SYNE2: variants seen among roughly 807,000 people sequenced by gnomAD.
The protein encoded by SYNE2 is nesprin-2.
Under a neutral mutation model 856.3 loss-of-function variants are expected in SYNE2, and 431 were observed. That is an observed-to-expected ratio of 0.50 (90% confidence interval 0.47 to 0.55). The LOEUF (loss-of-function observed/expected upper bound fraction) is 0.55. Among genes scored for constraint, SYNE2 ranks in the 20% least tolerant of loss-of-function variants. The probability of loss-of-function intolerance (pLI) is 0.00; values close to 1 mark genes in which losing one functional copy is unlikely to be tolerated. For synonymous variants in SYNE2, 2,923 were observed against 2,872.3 expected, an observed-to-expected ratio of 1.02 and a Z score of -0.56; for missense variants, 8,129 against 8,023.2, an observed-to-expected ratio of 1.01 and a Z score of -0.50.
At chr14:64,099,367 G>T in intron 63 of SYNE2, 1 of 168,842 alleles carries the variant, frequency 5.9e-6, no homozygotes. Context: ...GAAAATTGAA[G>T]CAACTTACAA....
At chr14:63,827,947 C>A (rs904132665) in intron 1 of SYNE2, among the ~76,000 whole-genome samples, 1 of 150,220 alleles carries the variant, frequency 6.7e-6, no homozygotes, top group African/African-American at 2.5e-5. Flanking sequence ...AATCTCAGCA[C>A]TTTGGGAGGT....
In SYNE2 at chr14:64,016,608, A is replaced by G. The variant is rs2096893936; in HGVS notation, c.4864A>G (p.Ile1622Val). The G allele has an allele frequency of 6.3e-7, 1 of 1,597,076 alleles. No homozygotes were observed. The highest frequency in any genetic ancestry group is 8.6e-7 in the Non-Finnish European group (1 of 1,168,784). Residue 1622 changes from isoleucine to valine, a missense_variant, in exon 33 of 116, where the codon ATT becomes GTT. Ile to Val is a conservative substitution (Grantham distance 29). Coordinates refer to ENST00000555002, the MANE Select transcript of SYNE2 (RefSeq NM_182914.3). ...GCCCCCTTTTGAAAAAGAGGCTAAT[A>G]TTATTGTGGATAGATGGCTTGATGT... ...EEPPFEKEAN[I>V]IVDRWLDINE...
chr14:63,869,536 C>T (rs888459476), intron 1 of SYNE2, among the ~76,000 whole-genome samples: 9 of 148,198 alleles, frequency 6.1e-5, no homozygotes, highest in Admixed American at 4.8e-4. Flanking sequence ...GCAGGAGAAT[C>T]GCTTGAAACG....
At chr14:63,961,848 A>T (rs574578235) in intron 9 of SYNE2, among the ~76,000 whole-genome samples, 2 of 151,118 alleles carry the variant, frequency 1.3e-5, no homozygotes, top group Non-Finnish European at 2.9e-5. Context: ...GGCAACCAGC[A>T]TTCTAATTTC....
At chr14:63,976,805 A>C (rs1400650613) in intron 12 of SYNE2, 78 bp downstream of exon 12, 2 of 1,480,360 alleles carry the variant, frequency 1.4e-6, no homozygotes, top group Non-Finnish European at 1.9e-6. Flanking sequence ...TTTGTCCTAA[A>C]AAGAAGAGAA....
At chr14:63,885,669 A>G (rs2140806508) in intron 1 of SYNE2, among the ~76,000 whole-genome samples, 1 of 152,254 alleles carries the variant, frequency 6.6e-6, no homozygotes, top group East Asian at 1.9e-4. Context: ...TGGCGTGATC[A>G]TAGCTCACTG....
At chr14:63,954,273 A>G (rs1178694566) in intron 7 of SYNE2, among the ~76,000 whole-genome samples, 6 of 152,172 alleles carry the variant, frequency 3.9e-5, no homozygotes, top group Non-Finnish European at 8.8e-5. Flanking sequence ...CATTTCCTCT[A>G]GTTAGGAACC....
rs746540554 is a variant in SYNE2, at chr14:64,220,622, G to A, written c.20046G>A (p.Ser6682=). ...VDSWRGGLRQ[S]LMQCQDFHQL... The stretch of plus-strand genomic sequence containing the variant: ...GCTGGAGAGGGGGCTTACGACAGTC[G>A]CTCATGCAGTGCCAGGTACGCTGAC... Residue 6682 remains serine, a synonymous_variant, in exon 111 of 116, where the codon TCG becomes TCA. Transcript: ENST00000555002. 8 of 1,613,792 alleles carry A rather than the reference G, an allele frequency of 5.0e-6. No individual in the cohort carries two copies. Among genetic ancestry groups the A allele is most frequent in the African/African-American group, 2.7e-5 (2 of 74,922 alleles).
Position 64,223,326 on chromosome 14 carries a change from CAA to C in SYNE2, c.20330_20331del (p.Lys6777ThrfsTer144). ...EKVHVIEKKL[K>X]QLREQVSQDL... ...AGGTGCATGTTATTGAGAAGAAACT[CAA>C]ACAGTTACGGGAGCAAGTGTCCCAA... On this transcript the variant is annotated frameshift_variant, in exon 113 of 116. Transcript: ENST00000555002. LOFTEE classifies it high-confidence loss of function. The C allele has an allele frequency of 6.2e-7, 1 of 1,614,140 alleles. No individual in the cohort carries two copies. Among genetic ancestry groups the C allele is most frequent in the Non-Finnish European group, 8.5e-7 (1 of 1,180,016 alleles).
At chr14:64,034,516 C>T in intron 45 of SYNE2, 1 of 515,352 alleles carries the variant, frequency 1.9e-6, no homozygotes, top group Non-Finnish European at 3.6e-6. Flanking sequence ...AATGTGATGG[C>T]AGTTTCCAAA....
At position 63,997,056 on chromosome 14, in the gene SYNE2, G is replaced by A. The variant is rs766606292; in HGVS notation, c.3050G>A (p.Arg1017Lys). 1.2e-6 allele frequency: 2 copies of A among 1,614,058 alleles called. No individual in the cohort carries two copies. Among genetic ancestry groups the A allele is most frequent in the Non-Finnish European group, 1.7e-6 (2 of 1,179,976 alleles). ...PSQKSQQEVK[R>K]LLKDYEQKIE... The stretch of plus-strand genomic sequence containing the variant: ...CAGAAGAGTCAACAAGAAGTGAAGA[G>A]ACTACTCAAAGATTATGAACAAAAG... Residue 1017 changes from arginine to lysine, a missense_variant, in exon 24 of 116, where the codon AGA (arginine) becomes AAA (lysine). Arg to Lys is a conservative substitution (Grantham distance 26). Coordinates refer to ENST00000555002, the MANE Select transcript of SYNE2 (RefSeq NM_182914.3).
chr14:63,891,076 A>C (rs2095119190), intron 1 of SYNE2, among the ~76,000 whole-genome samples: 1 of 152,162 alleles, frequency 6.6e-6, no homozygotes, highest in East Asian at 1.9e-4. Context: ...TATTTATCTC[A>C]CGCCCTCATG....
intron 1 of SYNE2, among the ~76,000 whole-genome samples, chr14:63,828,483 A>G (rs1889547015): frequency 6.6e-6 from 1 of 151,766 alleles, no homozygotes; most frequent in South Asian, 2.1e-4. Flanking sequence ...TACTAAAAAT[A>G]TAAAAATTAG....
chr14:64,014,964 T>C lies in SYNE2; in HGVS notation c.4729-1509T>C, dbSNP rs1216897364. Among the ~76,000 whole-genome samples the C allele has an allele frequency of 7.2e-3, 357 of 49,660 alleles. 3 individuals are homozygous for C. The highest frequency in any genetic ancestry group is 0.023 in the African/African-American group (343 of 14,940). The allele number at this position is 49,660 out of a possible 152,430, so 32.6% of individuals were successfully genotyped here. On this transcript the variant is annotated intron_variant, in intron 32 of 115. Transcript: ENST00000555002. ...ATATATATATATATATATATATATATATATATATATACACACACACACACA... is the reference window on the plus strand; with the variant it reads ...ATATATATATATATATATATATATACATATATATATACACACACACACACA...
At chr14:64,016,694 G>C in intron 33 of SYNE2, 63 bp downstream of exon 33, 1 of 1,116,944 alleles carries the variant, frequency 9.0e-7, no homozygotes, top group Non-Finnish European at 1.3e-6. Context: ...TGTATCTTTA[G>C]TATTTTTATT....
chr14:63,980,587 C>A, intron 14 of SYNE2, 67 bp from the exon 15 acceptor site: 1 of 1,074,928 alleles, frequency 9.3e-7, no homozygotes, highest in Non-Finnish European at 1.4e-6. Context: ...CTGTATCTCA[C>A]TATCTGGATT....
intron 112 of SYNE2, 127 bp from the exon 113 acceptor site, chr14:64,223,062 G>T: frequency 1.1e-6 from 1 of 890,566 alleles, no homozygotes; most frequent in Non-Finnish European, 1.8e-6. Flanking sequence ...GAGAAATAGA[G>T]GATTCTCGAG....
intron 2 of SYNE2, among the ~76,000 whole-genome samples, chr14:63,931,848 C>T (rs2095760476): frequency 6.6e-6 from 1 of 152,128 alleles, no homozygotes; most frequent in Non-Finnish European, 1.5e-5. Context: ...TTGAACTCCT[C>T]CTGGACTCCA....
intron 58 of SYNE2, 45 bp downstream of exon 58, chr14:64,087,901 G>T (rs747924466): frequency 2.5e-6 from 4 of 1,599,336 alleles, no homozygotes; most frequent in Admixed American, 3.4e-5. Flanking sequence ...TAAATTAGAG[G>T]CTGGGCAATG....
Sources: allele counts gnomAD v4.1 joint callset (sites outside exome capture counted in the v4.1 genomes callset), GRCh38; gene constraint gnomAD v4.1.1; transcripts MANE v1.5; gene names NCBI Gene and HGNC (gene_info 2026-07-23, HGNC 2026-07-21).